Variants in C9 observed in about 807,000 individuals in gnomAD.
C9 encodes the protein complement component C9.
Under a neutral mutation model 65.4 loss-of-function variants are expected in C9, and 63 were observed. The observed-to-expected ratio is 0.96, with a 90% CI of 0.79 to 1.19. C9 has a LOEUF of 1.19. Among genes scored for constraint, C9 ranks in the 50% most tolerant of loss-of-function variants. The pLI, the probability that C9 is intolerant of heterozygous loss-of-function variation, is 0.00. For missense variants in C9, 744 were observed against 670.1 expected, an observed-to-expected ratio of 1.11 and a Z score of -1.22; for synonymous variants, 229 against 227.9, an observed-to-expected ratio of 1.00 and a Z score of -0.04.
At position 39,315,838 on chromosome 5, in the gene C9, A is replaced by T; in HGVS notation, c.807T>A (p.Ser269Arg). 3 of 1,611,404 alleles carry T rather than the reference A, an allele frequency of 1.9e-6. No individual in the cohort carries two copies. Among genetic ancestry groups the T allele is most frequent in the Non-Finnish European group, 2.5e-6 (3 of 1,177,664 alleles). The change falls in exon 6 of 11, where the codon AGT (serine) becomes AGA (arginine). Residue 269 changes from serine to arginine, a missense_variant. Physicochemically the swap from Ser to Arg is moderately radical, Grantham distance 110. Coordinates refer to ENST00000263408, the MANE Select transcript of C9 (RefSeq NM_001737.5). Reference protein sequence around the residue: ...ASSISLHGKGSFRFSYSKNET... With the variant: ...ASSISLHGKGRFRFSYSKNET... ...CATTTTTGGAATATGAAAACCGAAA[A>T]CTACCCTTGCCATGTAAAGAAATTG...
At chr5:39,327,266 G>A (rs144034473) in intron 5 of C9, among the ~76,000 whole-genome samples, 1 of 152,246 alleles carries the variant, frequency 6.6e-6, no homozygotes, top group Non-Finnish European at 1.5e-5. Context: ...CAAGGAGAAT[G>A]ATCAGATTTA....
chr5:39,343,797 A>T (rs1754136521), intron 1 of C9, among the ~76,000 whole-genome samples: 1 of 152,164 alleles, frequency 6.6e-6, no homozygotes, highest in African/African-American at 2.4e-5. Flanking sequence ...CTGACACCTC[A>T]CATGGCTGGG....
Position 39,315,793 on chromosome 5 carries a change from CA to C in C9, c.851del (p.Leu284CysfsTer14), listed in dbSNP as rs1425386869. The C allele has an allele frequency of 1.2e-6, 2 of 1,603,966 alleles. No individual in the cohort carries two copies. The highest frequency in any genetic ancestry group is 1.7e-6 in the Non-Finnish European group (2 of 1,171,338). ...GTCTTACCTTCTTTGAAGAATATGA[CA>C]AAAATAGTTGGTAAGTTTCATTTTT... ...YSKNETYQLF[L>X]SYSSKKEKMF... is the part of the protein sequence containing the mutation. On this transcript the variant is annotated frameshift_variant, in exon 6 of 11. Coordinates refer to ENST00000263408, the MANE Select transcript of C9 (RefSeq NM_001737.5). LOFTEE classifies it high-confidence loss of function.
intron 9 of C9, among the ~76,000 whole-genome samples, chr5:39,296,760 G>A (rs139329280): frequency 0.011 from 1,672 of 151,394 alleles, 34 homozygotes; most frequent in African/African-American, 0.038. Context: ...CCATAAAAAA[G>A]AACAAAATCT....
chr5:39,356,686 T>G (rs1484024644), intron 1 of C9, among the ~76,000 whole-genome samples: 1 of 152,228 alleles, frequency 6.6e-6, no homozygotes, highest in Non-Finnish European at 1.5e-5. Context: ...TAACAAGTCA[T>G]GCAAAAAGAA....
At chr5:39,338,483 T>G (rs567600018) in intron 4 of C9, among the ~76,000 whole-genome samples, 8 of 152,328 alleles carry the variant, frequency 5.3e-5, no homozygotes, top group African/African-American at 1.9e-4. Flanking sequence ...AATCTCCCAG[T>G]ATTATTTGGA....
rs186249093 is a variant in C9, at chr5:39,293,952, T to C, written c.1417-5001A>G. On this transcript the variant is annotated intron_variant, in intron 9 of 10. Transcript: ENST00000263408. ...GGAAATTAAACAATATGCTCCTGAATGACCATTAAATCAATTAAGAGATTA... is the reference window on the plus strand; with the variant it reads ...GGAAATTAAACAATATGCTCCTGAACGACCATTAAATCAATTAAGAGATTA... Among the ~76,000 whole-genome samples, 495 of 152,092 alleles carry C rather than the reference T, an allele frequency of 3.3e-3. 14 individuals carry two copies. Among genetic ancestry groups the C allele is most frequent in the Middle Eastern group, 0.031 (9 of 294 alleles).
chr5:39,347,782 A>G (rs1287295158), intron 1 of C9, among the ~76,000 whole-genome samples: 2 of 152,196 alleles, frequency 1.3e-5, no homozygotes, highest in African/African-American at 4.8e-5. Flanking sequence ...CTACAAGGCT[A>G]CAGTAACCAA....
intron 1 of C9, among the ~76,000 whole-genome samples, chr5:39,350,896 G>C (rs1217184920): frequency 6.6e-6 from 1 of 152,194 alleles, no homozygotes; most frequent in Non-Finnish European, 1.5e-5. Flanking sequence ...TGCCCCAGTA[G>C]GGACTCTGTG....
intron 4 of C9, among the ~76,000 whole-genome samples, chr5:39,335,068 A>G (rs1007088922): frequency 3.3e-5 from 5 of 152,122 alleles, no homozygotes; most frequent in Admixed American, 6.5e-5. Context: ...CCAGTAAGAC[A>G]TAAAATACTG....
In C9 at chr5:39,285,037, T is replaced by A. The variant is rs261738; in HGVS notation, c.*162A>T. The A allele has an allele frequency of 0.88, 484,087 of 550,980 alleles. 214,668 individuals are homozygous for A. Among genetic ancestry groups the A allele is most frequent in the Non-Finnish European group, 0.92 (278,853 of 302,304 alleles). The allele number at this position is 550,980 out of a possible 1,614,324, so 34.1% of individuals were successfully genotyped here. Reference sequence around the variant, plus strand: ...CACAGGAGTTTAAGGAAGAAAAATTTAAAAAAAAATTATAGACCTAAGAGA... The same window carrying A: ...CACAGGAGTTTAAGGAAGAAAAATTAAAAAAAAAATTATAGACCTAAGAGA... On this transcript the variant is annotated 3_prime_UTR_variant, in exon 11 of 11. Transcript: ENST00000263408.
intron 10 of C9, 118 bp downstream of exon 10, chr5:39,288,605 C>T: frequency 7.5e-6 from 5 of 668,640 alleles, no homozygotes; most frequent in Non-Finnish European, 1.4e-5. Flanking sequence ...TCTTTATCTT[C>T]TGTTTATATA....
At chr5:39,310,076 T>TC (rs369411688) in intron 7 of C9, among the ~76,000 whole-genome samples, 10 of 151,514 alleles carry the variant, frequency 6.6e-5, no homozygotes, top group African/African-American at 1.5e-4. Context: ...TACATTCCAC[T>TC]CCCCCCCGGG....
intron 4 of C9, among the ~76,000 whole-genome samples, chr5:39,334,716 G>T (rs1753928485): frequency 6.7e-6 from 1 of 150,352 alleles, no homozygotes; most frequent in South Asian, 2.1e-4. Context: ...CCCCCGCCTG[G>T]CCAGCCACCC....
At chr5:39,303,599 A>G (rs1012694191) in intron 9 of C9, among the ~76,000 whole-genome samples, 5 of 151,414 alleles carry the variant, frequency 3.3e-5, no homozygotes, top group African/African-American at 9.7e-5. Flanking sequence ...TTACTTAGAA[A>G]ATCTCAGTAA....
chr5:39,319,143 C>T (rs1231708435), intron 5 of C9, among the ~76,000 whole-genome samples: 1 of 152,212 alleles, frequency 6.6e-6, no homozygotes, highest in African/African-American at 2.4e-5. Flanking sequence ...ACTCCTATTT[C>T]AAGTCTTACC....
At chr5:39,316,346 T>G (rs572379123) in intron 5 of C9, among the ~76,000 whole-genome samples, 2 of 152,338 alleles carry the variant, frequency 1.3e-5, no homozygotes, top group African/African-American at 4.8e-5. Context: ...TAGCAAACTT[T>G]TTTTTCAACT....
chr5:39,334,797 G>C (rs1458031285), intron 4 of C9, among the ~76,000 whole-genome samples: 8 of 151,548 alleles, frequency 5.3e-5, no homozygotes, highest in African/African-American at 2.0e-4. Context: ...CTGCCCGGCC[G>C]CCACCCCATC....
chr5:39,320,251 C>G (rs28821236), intron 5 of C9, among the ~76,000 whole-genome samples: 4,482 of 151,886 alleles, frequency 0.03, 200 homozygotes, highest in African/African-American at 0.1. Context: ...AGAATACAGA[C>G]AGAAGACTAG....
Sources: allele counts gnomAD v4.1 joint callset (sites outside exome capture counted in the v4.1 genomes callset), GRCh38; gene constraint gnomAD v4.1.1; transcripts MANE v1.5; gene names NCBI Gene and HGNC (gene_info 2026-07-23, HGNC 2026-07-21).